Variants in MAST2 observed in about 807,000 individuals in gnomAD.
MAST2 encodes microtubule associated serine/threonine kinase 2, also known as microtubule-associated serine/threonine-protein kinase 2.
Under a neutral mutation model 147.4 loss-of-function variants are expected in MAST2, and 70 were observed. The ratio of observed to expected loss-of-function variants is 0.47; its 90% confidence interval spans 0.39 to 0.58. The LOEUF (loss-of-function observed/expected upper bound fraction) is 0.58. Among genes scored for constraint, MAST2 ranks in the 20% least tolerant of loss-of-function variants. MAST2 has a pLI of 0.00. For synonymous variants in MAST2, 869 were observed against 896.8 expected (o/e 0.97, Z 0.55); for missense variants, 2,080 against 2,302.3 (o/e 0.90, Z 1.98).
At chr1:45,961,152 T>C (rs1477361352) in intron 5 of MAST2, among the ~76,000 whole-genome samples, 2 of 152,084 alleles carry the variant, frequency 1.3e-5, no homozygotes, top group Admixed American at 1.3e-4. Flanking sequence ...CTTTAGAAGA[T>C]ACCACCAAGA....
At chr1:45,834,820 G>T (rs1442497954) in intron 3 of MAST2, among the ~76,000 whole-genome samples, 1 of 151,976 alleles carries the variant, frequency 6.6e-6, no homozygotes, top group Non-Finnish European at 1.5e-5. Flanking sequence ...CTGCAGTTTT[G>T]ATCTTTGCCT....
chr1:45,940,688 C>T (rs906931672), intron 4 of MAST2, among the ~76,000 whole-genome samples: 2 of 150,692 alleles, frequency 1.3e-5, no homozygotes, highest in African/African-American at 4.9e-5. Flanking sequence ...GGCGCGATCT[C>T]GGCTCACTGC....
intron 4 of MAST2, among the ~76,000 whole-genome samples, chr1:45,889,068 C>A (rs1346043472): frequency 2.6e-5 from 4 of 152,170 alleles, no homozygotes; most frequent in African/African-American, 9.7e-5. Context: ...AACCTCCTAA[C>A]TGGCCTTTCT....
At chr1:45,945,399 G>T (rs1002464466) in intron 4 of MAST2, among the ~76,000 whole-genome samples, 6 of 152,202 alleles carry the variant, frequency 3.9e-5, no homozygotes, top group African/African-American at 1.4e-4. Context: ...ATAATAAAAA[G>T]ATAAAACAAC....
rs142745721 is a variant in MAST2 at position 45,855,813 on chromosome 1, C to G, written c.468+26232C>G. On this transcript the variant is annotated intron_variant, in intron 3 of 28. Transcript: ENST00000361297. ...ATAGGACAGTTTTATTTTTTCCAAT[C>G]TATATATTCCTTTTCTATCATTTTC... Among the ~76,000 whole-genome samples, 890 of 151,946 alleles carry G rather than the reference C, an allele frequency of 5.9e-3. 4 individuals carry two copies. Among genetic ancestry groups the G allele is most frequent in the South Asian group, 0.021 (102 of 4,812 alleles).
intron 5 of MAST2, among the ~76,000 whole-genome samples, chr1:45,972,248 A>G (rs1643941056): frequency 6.6e-6 from 1 of 152,252 alleles, no homozygotes; most frequent in Non-Finnish European, 1.5e-5. Context: ...CAGATACAAC[A>G]AGATCAGAGT....
intron 5 of MAST2, among the ~76,000 whole-genome samples, chr1:45,961,282 A>G (rs1237688461): frequency 6.6e-6 from 1 of 152,208 alleles, no homozygotes; most frequent in East Asian, 1.9e-4. Context: ...CAAACAGCAC[A>G]TCCTAGATTT....
chr1:45,956,256 C>T (rs1659645401), intron 4 of MAST2, among the ~76,000 whole-genome samples: 1 of 152,112 alleles, frequency 6.6e-6, no homozygotes, highest in South Asian at 2.1e-4. Flanking sequence ...TTTCAAGATA[C>T]ATTGCAACCT....
Position 46,010,834 on chromosome 1 carries a change from G to C in MAST2, c.1083G>C (p.Gln361His). The C allele has an allele frequency of 6.2e-7, 1 of 1,614,194 alleles. No homozygotes were observed. The highest frequency in any genetic ancestry group is 1.3e-5 in the African/African-American group (1 of 75,048). The change falls in exon 10 of 29, where the codon CAG becomes CAC. Residue 361 changes from glutamine (Q) to histidine (H), a missense_variant. Physicochemically the swap from Gln to His is conservative, Grantham distance 24 (BLOSUM62 0). Transcript: ENST00000361297. ...GAGCCCTGAGCTTTATTCATCATCA[G>C]GTGATTGAGATGGCCCGAGACTGCC... ...ADGALSFIHHQVIEMARDCLD... is the reference protein window; with the variant it reads ...ADGALSFIHHHVIEMARDCLD...
chr1:45,863,549 G>A (rs961556320), intron 3 of MAST2, among the ~76,000 whole-genome samples: 1 of 152,198 alleles, frequency 6.6e-6, no homozygotes, highest in African/African-American at 2.4e-5. Flanking sequence ...GCTATTTTCA[G>A]CAGTGTGGCA....
rs1442546456 is a variant in MAST2 at position 46,034,721 on chromosome 1, C to G, written c.4052C>G (p.Ser1351Cys). 6.2e-7 allele frequency: 1 copy of G among 1,614,140 alleles called. No individual in the cohort carries two copies. Among genetic ancestry groups the G allele is most frequent in the Admixed American group, 1.7e-5 (1 of 60,026 alleles). Residue 1351 changes from serine (S) to cysteine (C), a missense_variant, in exon 29 of 29, where the codon TCT becomes TGT. This residue lies in a region of MAST2 where 1,278 missense variants were observed against 1,304.2 expected (regional missense o/e 0.98). Transcript: ENST00000361297. Reference protein sequence around the residue: ...IPLSPLAHTPSPPPPTASPQR... With the variant: ...IPLSPLAHTPCPPPPTASPQR... ...CTGTCACCACTGGCCCACACCCCTT[C>G]TCCCCCACCCCCAACAGCTTCACCT...
intron 5 of MAST2, among the ~76,000 whole-genome samples, chr1:45,965,632 A>G (rs1379215430): frequency 6.6e-6 from 1 of 152,142 alleles, no homozygotes; most frequent in African/African-American, 2.4e-5. Flanking sequence ...AGTATTAAAT[A>G]TCTACTACAT....
intron 5 of MAST2, among the ~76,000 whole-genome samples, chr1:45,986,590 T>C (rs928029591): frequency 6.6e-6 from 1 of 151,688 alleles, no homozygotes; most frequent in Non-Finnish European, 1.5e-5. Flanking sequence ...TGGTGGCGGG[T>C]GCCTGTAGTC....
chr1:45,928,299 T>C (rs1199022166), intron 4 of MAST2, among the ~76,000 whole-genome samples: 5 of 152,222 alleles, frequency 3.3e-5, no homozygotes, highest in Admixed American at 2.6e-4. Context: ...GTAATCACAG[T>C]ATTATTACCA....
At chr1:45,849,651 G>A (rs1645560280) in intron 3 of MAST2, among the ~76,000 whole-genome samples, 1 of 151,758 alleles carries the variant, frequency 6.6e-6, no homozygotes, top group East Asian at 1.9e-4. Context: ...CTCAGCCTCT[G>A]GAGTAGCTGG....
At position 46,031,011 on chromosome 1, in the gene MAST2, C is replaced by T. The variant is rs779994224; in HGVS notation, c.2713C>T (p.Arg905Trp). ...SWVIGSPEIL[R>W]KRLSVSESSH... ...CCCAGGCCTTGTGTCTCATAGATTA[C>T]GGAAGCGGCTGTCGGTGTCTGAGTC... Residue 905 changes from arginine (R) to tryptophan (W), a missense_variant, in exon 23 of 29, where the codon CGG becomes TGG. By Grantham distance (101) the Arg-to-Trp change is moderately radical (BLOSUM62 -3). Coordinates refer to ENST00000361297, the MANE Select transcript of MAST2 (RefSeq NM_015112.3). This position sits in a 1 kb window ranked among gnomAD's most constrained non-coding sequence, Gnocchi z 4.1. 15 of 1,612,736 alleles carry T rather than the reference C, an allele frequency of 9.3e-6. No homozygotes were observed. Among genetic ancestry groups the T allele is most frequent in the African/African-American group, 8.0e-5 (6 of 74,876 alleles).
At chr1:45,836,251 C>T (rs1413323162) in intron 3 of MAST2, among the ~76,000 whole-genome samples, 1 of 152,086 alleles carries the variant, frequency 6.6e-6, no homozygotes, top group Non-Finnish European at 1.5e-5. Flanking sequence ...GCATCCTTGC[C>T]AGTACTTTTC....
chr1:45,873,475 G>A (rs1246639659), intron 3 of MAST2, among the ~76,000 whole-genome samples: 1 of 151,910 alleles, frequency 6.6e-6, no homozygotes, highest in East Asian at 1.9e-4. Context: ...TGGGATTACA[G>A]GTGTGAGCCA....
intron 4 of MAST2, among the ~76,000 whole-genome samples, chr1:45,950,751 A>G (rs1424716102): frequency 6.6e-6 from 1 of 152,224 alleles, no homozygotes; most frequent in Admixed American, 6.5e-5. Context: ...CCTAAGTGAA[A>G]ATCAATAGAT....
Sources: allele counts gnomAD v4.1 joint callset (sites outside exome capture counted in the v4.1 genomes callset), GRCh38; gene constraint gnomAD v4.1.1; regional missense constraint gnomAD v4.1.1; non-coding constraint Gnocchi (gnomAD v3.1); transcripts MANE v1.5; gene names NCBI Gene and HGNC (gene_info 2026-07-23, HGNC 2026-07-21).